TOGARAM2: variants seen among roughly 807,000 people sequenced by gnomAD.
TOGARAM2 encodes TOG array regulator of axonemal microtubules protein 2.
Under a neutral mutation model 93.3 loss-of-function variants are expected in TOGARAM2, and 85 were observed. The ratio of observed to expected loss-of-function variants is 0.91; its 90% CI spans 0.76 to 1.09. The LOEUF (loss-of-function observed/expected upper bound fraction) is 1.09. TOGARAM2 is among the 50% of genes least tolerant of loss of function. The pLI, the probability that TOGARAM2 is intolerant of heterozygous loss-of-function variation, is 0.00. For synonymous variants in TOGARAM2, 593 were observed against 552.8 expected, an observed-to-expected ratio of 1.07 and a Z score of -1.02; for missense variants, 1,277 against 1,334.5, an observed-to-expected ratio of 0.96 and a Z score of 0.67.
rs779924429 is a variant in TOGARAM2 at position 29,022,111 on chromosome 2, G to C, written c.1361-47G>C. ...GGCAGGAGCGGCCACTCGGGCTCTT[G>C]CCTGTCCTGCTGCGTGAAGCCTGCT... On this transcript the variant is annotated intron_variant, in intron 10 of 19. Coordinates refer to ENST00000379558, the MANE Select transcript of TOGARAM2 (RefSeq NM_199280.4). 1.9e-6 allele frequency: 3 copies of C among 1,612,344 alleles called. No homozygotes were observed. The Admixed American group carries it at 5.0e-5, about 27-fold the overall frequency.
intron 7 of TOGARAM2, among the ~76,000 whole-genome samples, chr2:29,012,664 A>T (rs1007506433): frequency 1.3e-5 from 2 of 152,124 alleles, no homozygotes; most frequent in African/African-American, 4.8e-5. Flanking sequence ...TTTGGGGTGG[A>T]GGTGAAGAAG....
intron 4 of TOGARAM2, among the ~76,000 whole-genome samples, chr2:29,001,839 A>G (rs957748542): frequency 6.8e-6 from 1 of 147,776 alleles, no homozygotes; most frequent in Admixed American, 6.8e-5. Context: ...GGCCAGAATG[A>G]AAGTTAAAAT....
rs769133714 is a variant in TOGARAM2 at position 29,014,447 on chromosome 2, G to A, written c.930G>A (p.Lys310=). The change falls in exon 8 of 20, where the codon AAG becomes AAA. Residue 310 remains lysine (K), a synonymous_variant. Coordinates refer to ENST00000379558, the MANE Select transcript of TOGARAM2 (RefSeq NM_199280.4). ...GAGACAGGCCTGCCGCTGCCAAGAA[G>A]CCTGCCCTGCCTTTTTCTCAGTCTG... ...PIRDRPAAAK[K]PALPFSQSAP... is the part of the protein sequence containing the mutation. 6.2e-7 allele frequency: 1 copy of A among 1,607,756 alleles called. No individual in the cohort carries two copies. Among genetic ancestry groups the A allele is most frequent in the Admixed American group, 1.7e-5 (1 of 59,296 alleles).
chr2:29,023,692 G>A (rs764431192), intron 12 of TOGARAM2, among the ~76,000 whole-genome samples: 14 of 152,150 alleles, frequency 9.2e-5, no homozygotes, highest in Non-Finnish European at 1.5e-4. Context: ...TAACACAGGG[G>A]CCTGGGCTGT....
chr2:29,033,607 T>C, intron 16 of TOGARAM2, 44 bp downstream of exon 16: 1 of 1,575,914 alleles, frequency 6.3e-7, no homozygotes, highest in Non-Finnish European at 8.7e-7. Context: ...CTAAGACTTC[T>C]GACAGAGGCA....
rs1203591116 is a variant in TOGARAM2 at position 29,002,027 on chromosome 2, G to C, written c.428-509G>C. ...TGTTGGGCACCTAAAGCATTCAGAG[G>C]GGAGCTGGAAGTGTGGCGGTCTGTC... is the stretch of plus-strand genomic sequence containing the variant. On this transcript the variant is annotated intron_variant, in intron 4 of 19. Transcript: ENST00000379558. Among the ~76,000 whole-genome samples, 11 of 152,290 alleles carry C rather than the reference G, an allele frequency of 7.2e-5. No individual in the cohort carries two copies. In the South Asian group the frequency reaches 2.3e-3, roughly 32 times the overall value.
rs905455378 is a variant in TOGARAM2 at position 29,020,671 on chromosome 2, G to C, written c.1361-1487G>C. ...GTGGGGTGCGGTGAAGGCGAGGAAG[G>C]GGGGCAGCAGGGCAGGTGGCTGTAT... On this transcript the variant is annotated intron_variant, in intron 10 of 19. Transcript: ENST00000379558. 2.6e-5 allele frequency among the ~76,000 whole-genome samples: 4 copies of C among 152,298 alleles called. No homozygotes were observed. The East Asian group carries it at 5.8e-4, about 22-fold the overall frequency.
intron 19 of TOGARAM2, chr2:29,048,152 T>C (rs1056339363): frequency 6.6e-5 from 10 of 151,914 alleles, no homozygotes; most frequent in African/African-American, 2.2e-4. Context: ...TGCAGGAAAA[T>C]TCCCCCTTAT....
chr2:29,026,854 C>G lies in TOGARAM2; in HGVS notation c.1855C>G (p.His619Asp), dbSNP rs1438536801. Residue 619 changes from histidine to aspartate, a missense_variant and splice_region_variant, in exon 14 of 20, where the codon CAC becomes GAC. Transcript: ENST00000379558. ...CCCTGGGCCATGATTTCCTTTCAGC[C>G]ACCGGAACCCCTTGATCCGGAAATA... is the stretch of plus-strand genomic sequence containing the variant. ...LVVLTSAGVY[H>D]RNPLIRKYAA... is the part of the protein sequence containing the mutation. 1 of 1,584,890 alleles carries G rather than the reference C, an allele frequency of 6.3e-7. No homozygotes were observed. Among genetic ancestry groups the G allele is most frequent in the Admixed American group, 1.7e-5 (1 of 57,238 alleles).
intron 1 of TOGARAM2, among the ~76,000 whole-genome samples, 170 bp from the exon 2 acceptor site, chr2:28,994,555 C>A (rs1307263193): frequency 6.6e-6 from 1 of 152,188 alleles, no homozygotes; most frequent in Non-Finnish European, 1.5e-5. Context: ...CGGCCTCGCA[C>A]TTGGGAACTG....
chr2:29,039,478 T>A (rs150617927), intron 18 of TOGARAM2, among the ~76,000 whole-genome samples: 1 of 152,162 alleles, frequency 6.6e-6, no homozygotes, highest in Non-Finnish European at 1.5e-5. Context: ...AGGATGGCCT[T>A]CTTGGGGGGA....
Position 29,036,412 on chromosome 2 carries a change from G to A in TOGARAM2, c.2419-129G>A. The A allele has an allele frequency of 6.6e-6, 5 of 760,828 alleles. No individual in the cohort carries two copies. The South Asian group carries it at 7.0e-5, about 11-fold the overall frequency. 47.1% of individuals were successfully genotyped at this position (760,828 alleles called of 1,614,324 possible). On this transcript the variant is annotated intron_variant, in intron 17 of 19. Coordinates refer to ENST00000379558, the MANE Select transcript of TOGARAM2 (RefSeq NM_199280.4). ...CATTTTTGAGAGTGCTGTGGCATAGGTCAGGGACGCAGGAGGAGTCTCTGC... is the reference window on the plus strand; with the variant it reads ...CATTTTTGAGAGTGCTGTGGCATAGATCAGGGACGCAGGAGGAGTCTCTGC...
intron 18 of TOGARAM2, among the ~76,000 whole-genome samples, chr2:29,042,960 G>A (rs889167080): frequency 6.6e-6 from 1 of 152,178 alleles, no homozygotes; most frequent in African/African-American, 2.4e-5. Flanking sequence ...GTTTACCTTG[G>A]CCTATCCTTG....
At chr2:29,037,459 C>T (rs994276327) in intron 18 of TOGARAM2, among the ~76,000 whole-genome samples, 4 of 152,192 alleles carry the variant, frequency 2.6e-5, no homozygotes, top group African/African-American at 9.7e-5. Flanking sequence ...CTGAAAACCA[C>T]CTGTGTTTGC....
chr2:28,977,899 G>GT (rs72061290), upstream of TOGARAM2, among the ~76,000 whole-genome samples: 35 of 148,812 alleles, frequency 2.4e-4, no homozygotes, highest in African/African-American at 5.2e-4. Flanking sequence ...GGTATAAAGT[G>GT]TTTTTTTTTT....
At chr2:29,043,908 G>C (rs890222734) in intron 18 of TOGARAM2, among the ~76,000 whole-genome samples, 1 of 152,226 alleles carries the variant, frequency 6.6e-6, no homozygotes, top group African/African-American at 2.4e-5. Context: ...GGAACAAGCA[G>C]CTTCTAAATT....
chr2:28,968,776 T>C (rs1385378392), intron 1 of TOGARAM2, among the ~76,000 whole-genome samples: 2 of 125,802 alleles, frequency 1.6e-5, no homozygotes, highest in Non-Finnish European at 3.1e-5. Context: ...GGAGATTGCA[T>C]CACTGCACTC....
chr2:28,986,575 C>T (rs757589685), intron 1 of TOGARAM2, among the ~76,000 whole-genome samples: 1 of 152,174 alleles, frequency 6.6e-6, no homozygotes, highest in Non-Finnish European at 1.5e-5. Flanking sequence ...GCTACTTGAC[C>T]CCTGTTGTAA....
chr2:29,006,376 A>G (rs1229230550), intron 6 of TOGARAM2, among the ~76,000 whole-genome samples: 9 of 125,534 alleles, frequency 7.2e-5, no homozygotes, highest in Admixed American at 1.6e-4. Flanking sequence ...GTGCATGTGT[A>G]TGTGTGTGAG....
Sources: gnomAD v4.1 joint callset for allele counts (sites outside exome capture counted in the v4.1 genomes callset) on GRCh38, gnomAD v4.1.1 for gene constraint, MANE v1.5 for transcripts, NCBI Gene and HGNC (gene_info 2026-07-23, HGNC 2026-07-21) for gene names.